SCAMP4: variants seen among roughly 807,000 people sequenced by gnomAD.
SCAMP4 encodes the protein secretory carrier membrane protein 4.
In SCAMP4, 19 loss-of-function variants were observed where a neutral mutation model predicts 32.1. The ratio of observed to expected loss-of-function variants is 0.59; its 90% confidence interval spans 0.41 to 0.87. The LOEUF (loss-of-function observed/expected upper bound fraction) is 0.87. Among genes scored for constraint, SCAMP4 ranks in the 40% least tolerant of loss-of-function variants. The pLI is 0.00. For synonymous variants in SCAMP4, 152 were observed against 132.7 expected (o/e 1.15, Z -1.00); for missense variants, 302 against 309.0 (o/e 0.98, Z 0.17).
At position 1,908,410 on chromosome 19, in the gene SCAMP4, G is replaced by C; in HGVS notation, c.-42+2971G>C. On this transcript the variant is annotated intron_variant, in intron 1 of 6. Transcript: ENST00000316097. This position sits in a 1 kb window ranked among gnomAD's most constrained non-coding sequence, Gnocchi z 4.2. The stretch of plus-strand genomic sequence containing the variant: ...GGGGCGCCCCGGCGGCTGAGGCGTG[G>C]ACCAGGCAGTGCATGTCGAGGAGTA... 1 of 451,850 alleles carries C rather than the reference G, an allele frequency of 2.2e-6. No individual in the cohort carries two copies. Among genetic ancestry groups the C allele is most frequent in the Non-Finnish European group, 4.6e-6 (1 of 216,302 alleles). 28.0% of individuals were successfully genotyped at this position (451,850 alleles called of 1,614,324 possible).
intron 5 of SCAMP4, chr19:1,922,071 C>CT (rs1300172974): frequency 3.0e-6 from 3 of 985,340 alleles, no homozygotes; most frequent in Non-Finnish European, 3.6e-6. Flanking sequence ...TCGTGCCTGC[C>CT]TTTAAGTTCC....
chr19:1,918,409 G>A, intron 4 of SCAMP4, 126 bp downstream of exon 4: 3 of 1,124,082 alleles, frequency 2.7e-6, no homozygotes, highest in African/African-American at 3.2e-5. Flanking sequence ...GTTCACATCT[G>A]GGGGTGGCAA....
chr19:1,916,163 T>C (rs1309922936), intron 2 of SCAMP4, among the ~76,000 whole-genome samples: 1 of 146,054 alleles, frequency 6.8e-6, no homozygotes, highest in Non-Finnish European at 1.5e-5. Context: ...CGCTTGAACC[T>C]GGGAGGCGGA....
At chr19:1,922,732 A>G (rs2013958434) in intron 5 of SCAMP4, 2 of 1,012,258 alleles carry the variant, frequency 2.0e-6, no homozygotes, top group Non-Finnish European at 2.4e-6. Flanking sequence ...GGACTCACTG[A>G]GGGAAACTAA....
In SCAMP4 at chr19:1,918,999, C is replaced by A; in HGVS notation, c.395+9C>A. On this transcript the variant is annotated intron_variant, in intron 5 of 6. Coordinates refer to ENST00000316097, the MANE Select transcript of SCAMP4 (RefSeq NM_079834.4). ...TCCGGCTGGGGCGCGTGGTAAGCCT[C>A]TCTCTGATGGGCGTGGTGGCTGTGA... The A allele has an allele frequency of 6.3e-7, 1 of 1,599,184 alleles. No individual in the cohort carries two copies. Among genetic ancestry groups the A allele is most frequent in the Non-Finnish European group, 8.5e-7 (1 of 1,172,966 alleles).
At chr19:1,915,728 C>G (rs1423284470) in intron 2 of SCAMP4, among the ~76,000 whole-genome samples, 1 of 149,604 alleles carries the variant, frequency 6.7e-6, no homozygotes, top group Non-Finnish European at 1.5e-5. Flanking sequence ...GGGTGGATCA[C>G]GAGGTCAGGA....
At chr19:1,922,758 C>T (rs568541440) in intron 5 of SCAMP4, 3 of 1,037,766 alleles carry the variant, frequency 2.9e-6, no homozygotes, top group East Asian at 1.6e-4. Context: ...AAGCACTGGT[C>T]TCCATTCCCT....
rs982884833 is a variant in SCAMP4 at position 1,908,699 on chromosome 19, A to G, written c.-42+3260A>G. Reference sequence around the variant, plus strand: ...TTGAAAAAAGGAACAGGGTCTCTCTATCTTGCCCACGTTGGTCTCAAACTC... The same window carrying G: ...TTGAAAAAAGGAACAGGGTCTCTCTGTCTTGCCCACGTTGGTCTCAAACTC... On this transcript the variant is annotated intron_variant, in intron 1 of 6. Transcript: ENST00000316097. This position sits in a 1 kb window ranked among gnomAD's most constrained non-coding sequence, Gnocchi z 4.2. 5.2e-5 allele frequency: 21 copies of G among 402,092 alleles called. No homozygotes were observed. The highest frequency in any genetic ancestry group is 3.3e-4 in the South Asian group (18 of 53,980). The allele number at this position is 402,092 out of a possible 1,614,324, so 24.9% of individuals were successfully genotyped here. A position where few individuals can be genotyped will look rare whatever the true frequency, so the allele number is the denominator to read the frequency against.
intron 5 of SCAMP4, chr19:1,921,115 G>T (rs2071764425): frequency 1.0e-6 from 1 of 985,458 alleles, no homozygotes; most frequent in Non-Finnish European, 1.2e-6. Context: ...GTCCACCGTT[G>T]GCTTAGTGAG....
At chr19:1,912,534 C>T in intron 1 of SCAMP4, 2 of 1,501,186 alleles carry the variant, frequency 1.3e-6, no homozygotes, top group Non-Finnish European at 1.8e-6. Context: ...GGCCCACTGG[C>T]CCACGTCCTT....
chr19:1,920,193 G>A lies in SCAMP4; in HGVS notation c.395+1203G>A, dbSNP rs752060357. The A allele has an allele frequency of 1.4e-4, 139 of 985,230 alleles. 1 individual carries two copies. Among genetic ancestry groups the A allele is most frequent in the Admixed American group, 4.3e-4 (7 of 16,260 alleles). 61.0% of individuals were successfully genotyped at this position (985,230 alleles called of 1,614,324 possible). ...GCAGAGAGTGACTGTTCTCGCCCAC[G>A]TCCCCGACGTGTCTCCCTTGTCCTT... On this transcript the variant is annotated intron_variant, in intron 5 of 6. Transcript: ENST00000316097.
chr19:1,911,076 C>T (rs994066431), intron 1 of SCAMP4, among the ~76,000 whole-genome samples: 1 of 152,058 alleles, frequency 6.6e-6, no homozygotes, highest in South Asian at 2.1e-4. Context: ...GGGGTTTCAC[C>T]GTGTTAGCCA....
chr19:1,922,349 T>A, intron 5 of SCAMP4: 1 of 823,406 alleles, frequency 1.2e-6, no homozygotes, highest in Non-Finnish European at 1.5e-6. Context: ...AGCCTCCCGC[T>A]TCAGCCTCCC....
rs1042372638 is a variant in SCAMP4, at chr19:1,923,124, C to T, written c.450C>T (p.Val150=). 5.2e-6 allele frequency: 8 copies of T among 1,553,208 alleles called. No homozygotes were observed. The highest frequency in any genetic ancestry group is 4.4e-6 in the Non-Finnish European group (5 of 1,148,012). Residue 150 remains valine (V), a synonymous_variant, in exon 6 of 7, where the codon GTC becomes GTT. Transcript: ENST00000316097. The stretch of plus-strand genomic sequence containing the variant: ...AGTACAGCCCGGGCGCTGCCGTGGT[C>T]ATGCTGCTTCCAGCCATCATGTTCT... The part of the protein sequence containing the change: ...FFQYSPGAAV[V]MLLPAIMFSV...
chr19:1,919,163 G>A (rs1385631658), intron 5 of SCAMP4, 173 bp downstream of exon 5: 8 of 1,434,038 alleles, frequency 5.6e-6, no homozygotes, highest in South Asian at 2.9e-5. Flanking sequence ...CAGCGCCCGC[G>A]TCCTCGCCAG....
intron 5 of SCAMP4, 66 bp from the exon 6 acceptor site, chr19:1,923,004 G>A: frequency 1.4e-6 from 2 of 1,461,042 alleles, no homozygotes; most frequent in Non-Finnish European, 9.1e-7. Flanking sequence ...GGAGGACCAT[G>A]GGCCGGACCA....
chr19:1,917,561 G>A lies in SCAMP4; in HGVS notation c.8-133G>A, dbSNP rs765110750. The A allele has an allele frequency of 1.1e-4, 103 of 936,780 alleles. No individual in the cohort carries two copies. The Middle Eastern group carries it at 7.0e-3, about 63-fold the overall frequency. The allele number at this position is 936,780 out of a possible 1,614,324, so 58.0% of individuals were successfully genotyped here. A position where few individuals can be genotyped will look rare whatever the true frequency, so the allele number is the denominator to read the frequency against. On this transcript the variant is annotated intron_variant, in intron 2 of 6. Coordinates refer to ENST00000316097, the MANE Select transcript of SCAMP4 (RefSeq NM_079834.4). ...CACGAGGACCCTCTCCTGTCTCAGC[G>A]TCCTGCCCTCAATCCCAACTGCAGA...
intron 1 of SCAMP4, among the ~76,000 whole-genome samples, chr19:1,913,659 G>A (rs1012530367): frequency 6.6e-5 from 10 of 152,206 alleles, no homozygotes; most frequent in Non-Finnish European, 1.5e-4. Flanking sequence ...TGGCCCAAGT[G>A]TGTGGACACT....
At chr19:1,922,380 A>G (rs2013945425) in intron 5 of SCAMP4, 3 of 679,054 alleles carry the variant, frequency 4.4e-6, no homozygotes, top group Admixed American at 6.3e-5. Context: ...GATTACAGGC[A>G]TGCGCCCTCA....
Sources: allele counts gnomAD v4.1 joint callset (sites outside exome capture counted in the v4.1 genomes callset), GRCh38; gene constraint gnomAD v4.1.1; non-coding constraint Gnocchi (gnomAD v3.1); transcripts MANE v1.5; gene names NCBI Gene and HGNC (gene_info 2026-07-23, HGNC 2026-07-21).